EP400: variants seen among roughly 807,000 people sequenced by gnomAD.
EP400 encodes the protein E1A binding protein p400.
Under a neutral mutation model 354.1 loss-of-function variants are expected in EP400, and 105 were observed. The observed-to-expected ratio is 0.30, with a 90% CI of 0.25 to 0.35. EP400 has a LOEUF of 0.35. Ranked by LOEUF, EP400 falls within the 10% of genes least tolerant of loss-of-function variation. The pLI is 1.00. For synonymous variants in EP400, 1,646 were observed against 1,716.9 expected, an observed-to-expected ratio of 0.96 and a Z score of 1.02; for missense variants, 3,280 against 4,121.0, an observed-to-expected ratio of 0.80 and a Z score of 5.59.
Position 132,018,259 on chromosome 12 carries a change from C to T in EP400, c.4160C>T (p.Thr1387Ile), listed in dbSNP as rs1358564483. The T allele has an allele frequency of 6.2e-7, 1 of 1,613,586 alleles. No individual in the cohort carries two copies. Among genetic ancestry groups the T allele is most frequent in the Admixed American group, 1.7e-5 (1 of 59,828 alleles). ...CTCATCGGCTTAGAAAATAAAATCA[C>T]TCGTCACGAGGCAGAGTTGCTGTCT... ...FDLIGLENKI[T>I]RHEAELLSKK... The change falls in exon 21 of 53, where the codon ACT becomes ATT. Residue 1387 changes from threonine to isoleucine, a missense_variant. Around this residue, in one of 20 missense-constraint regions of EP400, gnomAD observed 342 missense variants for 342.7 expected, o/e 1.00. Transcript: ENST00000389561. The surrounding 1 kb of genome is among the most constrained non-coding windows in gnomAD (Gnocchi z 4.0).
intron 51 of EP400, among the ~76,000 whole-genome samples, chr12:132,073,150 T>C (rs973799635): frequency 4.6e-5 from 7 of 152,080 alleles, no homozygotes; most frequent in Non-Finnish European, 8.8e-5. Flanking sequence ...CTGGCTTCTC[T>C]TTTGTTTGGA....
Position 131,969,907 on chromosome 12 carries a change from G to T in EP400, c.1335+7953G>T, listed in dbSNP as rs1892231751. Among the ~76,000 whole-genome samples, 4 of 152,076 alleles carry T rather than the reference G, an allele frequency of 2.6e-5. No individual in the cohort carries two copies. The South Asian group carries it at 8.3e-4, about 32-fold the overall frequency. On this transcript the variant is annotated intron_variant, in intron 2 of 52. Transcript: ENST00000389561. The stretch of plus-strand genomic sequence containing the variant: ...CTAAAAAACACAAAAAAATGAGCTG[G>T]GTGTGGTGATGTGCGTCTGTAGTCC...
intron 12 of EP400, among the ~76,000 whole-genome samples, chr12:132,000,245 A>G (rs1893362520): frequency 6.6e-6 from 1 of 152,062 alleles, no homozygotes. Flanking sequence ...GTTATTTAGA[A>G]GGATGTTTCT....
At chr12:131,963,782 C>T in intron 2 of EP400, 1 of 619,112 alleles carries the variant, frequency 1.6e-6, no homozygotes. Flanking sequence ...AAAAAATCTT[C>T]CTGCGTATAC....
chr12:132,029,580 T>G lies in EP400; in HGVS notation c.5382-121T>G. ...CACCCACATCCCCATGTGACTGGGT[T>G]GAGCCCTGCTGTTTCCTGGGACTTG... On this transcript the variant is annotated intron_variant, in intron 27 of 52. Transcript: ENST00000389561. This position sits in a 1 kb window ranked among gnomAD's most constrained non-coding sequence, Gnocchi z 4.7. 6.7e-5 allele frequency: 75 copies of G among 1,114,088 alleles called. No homozygotes were observed. The highest frequency in any genetic ancestry group is 9.5e-5 in the Non-Finnish European group (73 of 767,376). The allele number at this position is 1,114,088 out of a possible 1,614,324, so 69.0% of individuals were successfully genotyped here. A position where few individuals can be genotyped will look rare whatever the true frequency, so the allele number is the denominator to read the frequency against.
Position 132,054,769 on chromosome 12 carries a change from G to A in EP400, c.7729-205G>A, listed in dbSNP as rs1005067903. Among the ~76,000 whole-genome samples the A allele has an allele frequency of 6.6e-6, 1 of 151,752 alleles. No homozygotes were observed. Among genetic ancestry groups the A allele is most frequent in the African/African-American group, 2.4e-5 (1 of 41,256 alleles). On this transcript the variant is annotated intron_variant, in intron 43 of 52. Coordinates refer to ENST00000389561, the MANE Select transcript of EP400 (RefSeq NM_015409.5). This position sits in a 1 kb window ranked among gnomAD's most constrained non-coding sequence, Gnocchi z 4.0. The stretch of plus-strand genomic sequence containing the variant: ...GGGATGGAGGGTCCCTGGGGTGGAG[G>A]GACAATGGGATAGGGGTGGAGGGAC...
At position 132,064,650 on chromosome 12, in the gene EP400, A is replaced by G. The variant is rs775613398; in HGVS notation, c.8335-18A>G. On this transcript the variant is annotated intron_variant, in intron 47 of 52. Coordinates refer to ENST00000389561, the MANE Select transcript of EP400 (RefSeq NM_015409.5). ...GCACAGTTAATGTTGAAGAGAAGATACTTTGCTTGTATTTTAGGAACACCT... is the reference window on the plus strand; with the variant it reads ...GCACAGTTAATGTTGAAGAGAAGATGCTTTGCTTGTATTTTAGGAACACCT... 4 of 1,607,928 alleles carry G rather than the reference A, an allele frequency of 2.5e-6. No individual in the cohort carries two copies. The highest frequency in any genetic ancestry group is 1.7e-4 in the Middle Eastern group (1 of 6,048).
chr12:132,043,533 A>G (rs894050489), intron 33 of EP400, 71 bp downstream of exon 33: 2 of 1,582,296 alleles, frequency 1.3e-6, no homozygotes, highest in Middle Eastern at 2.1e-4. Flanking sequence ...TTTATTGTTT[A>G]CTGCAAGAAA....
chr12:131,982,498 A>T lies in EP400; in HGVS notation c.1929+20A>T. 6.4e-7 allele frequency: 1 copy of T among 1,572,608 alleles called. No homozygotes were observed. Among genetic ancestry groups the T allele is most frequent in the Non-Finnish European group, 8.6e-7 (1 of 1,156,402 alleles). On this transcript the variant is annotated intron_variant, in intron 5 of 52. Coordinates refer to ENST00000389561, the MANE Select transcript of EP400 (RefSeq NM_015409.5). Reference sequence around the variant, plus strand: ...CCACAGGTATGAGAAAAGATAGAGGAAAAAAAGAAAATGGTTTGCAGGATT... The same window carrying T: ...CCACAGGTATGAGAAAAGATAGAGGTAAAAAAGAAAATGGTTTGCAGGATT...
rs985004376 is a variant in EP400 at position 132,025,173 on chromosome 12, A to C, written c.4856-473A>C. 6.6e-6 allele frequency among the ~76,000 whole-genome samples: 1 copy of C among 152,140 alleles called. No individual in the cohort carries two copies. The highest frequency in any genetic ancestry group is 1.5e-5 in the Non-Finnish European group (1 of 68,034). On this transcript the variant is annotated intron_variant, in intron 24 of 52. Transcript: ENST00000389561. This position sits in a 1 kb window ranked among gnomAD's most constrained non-coding sequence, Gnocchi z 4.1. ...ATTCATAGAGATGACCTGGGAAACTATCTTCTCCAGAGTAAAAGAAGTCAG... is the reference window on the plus strand; with the variant it reads ...ATTCATAGAGATGACCTGGGAAACTCTCTTCTCCAGAGTAAAAGAAGTCAG...
chr12:132,055,475 A>AACT (rs1895457539), intron 45 of EP400, among the ~76,000 whole-genome samples: 1 of 62,196 alleles, frequency 1.6e-5, no homozygotes, highest in African/African-American at 6.5e-5. Context: ...TGTGTGTGTG[A>AACT]GGTGTAGGGG....
chr12:132,062,572 G>A lies in EP400; in HGVS notation c.8205G>A (p.Gln2735=), dbSNP rs147048182. The change falls in exon 47 of 53, where the codon CAG becomes CAA. Residue 2735 remains glutamine, a synonymous_variant. Coordinates refer to ENST00000389561, the MANE Select transcript of EP400 (RefSeq NM_015409.5). The stretch of plus-strand genomic sequence containing the variant: ...AACAGCAGCAGCAGCAGCAGCAGCA[G>A]CAGCAGCAGCAGCAGCAGCAACAGC... ...QQQQQQQQQQ[Q]QQQQQQQQQQ... is the part of the protein sequence containing the mutation. 6.2e-6 allele frequency: 10 copies of A among 1,609,098 alleles called. No homozygotes were observed. In the African/African-American group the frequency reaches 1.1e-4, roughly 17 times the overall value.
intron 5 of EP400, among the ~76,000 whole-genome samples, chr12:131,986,107 T>C (rs1053993663): frequency 5.9e-5 from 9 of 152,170 alleles, no homozygotes; most frequent in African/African-American, 2.2e-4. Context: ...CCCATGTAGC[T>C]GCGACCAAAG....
At position 132,054,690 on chromosome 12, in the gene EP400, G is replaced by A. The variant is rs1189394569; in HGVS notation, c.7729-284G>A. On this transcript the variant is annotated intron_variant, in intron 43 of 52. Coordinates refer to ENST00000389561, the MANE Select transcript of EP400 (RefSeq NM_015409.5). The surrounding 1 kb of genome is among the most constrained non-coding windows in gnomAD (Gnocchi z 4.0). ...GGTGAGGGACAGAGGGTGGATGAAT[G>A]GAGTGGAGGGACGGAGGAGTGGAGG... 6.6e-6 allele frequency among the ~76,000 whole-genome samples: 1 copy of A among 152,064 alleles called. No individual in the cohort carries two copies. Among genetic ancestry groups the A allele is most frequent in the Non-Finnish European group, 1.5e-5 (1 of 67,992 alleles).
intron 12 of EP400, among the ~76,000 whole-genome samples, chr12:132,004,117 T>G (rs1893504658): frequency 6.6e-6 from 1 of 152,238 alleles, no homozygotes; most frequent in African/African-American, 2.4e-5. Context: ...AATGATGAGG[T>G]TGAGGGCATT....
At position 132,062,292 on chromosome 12, in the gene EP400, G is replaced by A. The variant is rs200529645; in HGVS notation, c.8067G>A (p.Pro2689=). Residue 2689 remains proline (P), a synonymous_variant, in exon 46 of 53, where the codon CCG becomes CCA. Transcript: ENST00000389561. ...CCAACCTGACCCCAGTGCAGACCCC[G>A]GCACGGTCTTTGGTGCCCCAAGTGT... ...VTTNLTPVQT[P]ARSLVPQVSQ... 16 of 1,614,180 alleles carry A rather than the reference G, an allele frequency of 9.9e-6. 1 individual carries two copies. The highest frequency in any genetic ancestry group is 6.7e-5 in the African/African-American group (5 of 75,048).
chr12:132,021,486 T>C (rs1435802952), intron 23 of EP400, among the ~76,000 whole-genome samples, 165 bp downstream of exon 23: 7 of 152,260 alleles, frequency 4.6e-5, no homozygotes, highest in African/African-American at 1.2e-4. Context: ...GGCATGAGTC[T>C]AGCAGGGAGC....
chr12:132,064,634 A>G lies in EP400; in HGVS notation c.8335-34A>G, dbSNP rs1042215891. On this transcript the variant is annotated intron_variant, in intron 47 of 52. Coordinates refer to ENST00000389561, the MANE Select transcript of EP400 (RefSeq NM_015409.5). ...CTACTTAAAGAATGGAGCACAGTTA[A>G]TGTTGAAGAGAAGATACTTTGCTTG... is the stretch of plus-strand genomic sequence containing the variant. The G allele has an allele frequency of 3.7e-6, 6 of 1,601,526 alleles. No individual in the cohort carries two copies. In the African/African-American group the frequency reaches 4.0e-5, roughly 11 times the overall value.
At chr12:131,973,763 G>A (rs1892376028) in intron 2 of EP400, among the ~76,000 whole-genome samples, 1 of 152,168 alleles carries the variant, frequency 6.6e-6, no homozygotes, top group South Asian at 2.1e-4. Context: ...GCTCAGCATT[G>A]CGTGTATTTC....
Sources: allele counts gnomAD v4.1 joint callset (sites outside exome capture counted in the v4.1 genomes callset), GRCh38; gene constraint gnomAD v4.1.1; regional missense constraint gnomAD v4.1.1; non-coding constraint Gnocchi (gnomAD v3.1); transcripts MANE v1.5; gene names NCBI Gene and HGNC (gene_info 2026-07-23, HGNC 2026-07-21).